The following MS4A6E variants were observed in gnomAD, a reference collection of about 807,000 sequenced individuals.
The protein encoded by MS4A6E is membrane-spanning 4-domains subfamily A member 6E.
In MS4A6E, 8 loss-of-function variants were observed where a neutral mutation model predicts 13.2. The observed-to-expected ratio is 0.60, with a 90% CI of 0.35 to 1.09. MS4A6E has a LOEUF of 1.09. Among genes scored for constraint, MS4A6E ranks in the 50% least tolerant of loss-of-function variants. MS4A6E has a pLI of 0.02. For missense variants in MS4A6E, 177 were observed against 171.1 expected (o/e 1.03, Z -0.19); for synonymous variants, 72 against 67.6 (o/e 1.06, Z -0.32).
chr11:60,338,572 T>G (rs1286891267), intron 3 of MS4A6E: 1 of 152,244 alleles, frequency 6.6e-6, no homozygotes, highest in African/African-American at 2.4e-5. Flanking sequence ...AGAGTGTAAC[T>G]GAGAATTATC....
chr11:60,342,635 C>T (rs1041178866), downstream of MS4A6E, among the ~76,000 whole-genome samples: 4 of 152,148 alleles, frequency 2.6e-5, no homozygotes, highest in African/African-American at 9.7e-5. Flanking sequence ...GGGTCTCCAC[C>T]TGGCCGGCAC....
intron 4 of MS4A6E, among the ~76,000 whole-genome samples, chr11:60,347,623 G>A (rs1045689742): frequency 6.6e-6 from 1 of 151,192 alleles, no homozygotes. Context: ...ATTCCTTTTG[G>A]TATGACACAG....
At position 60,334,983 on chromosome 11, in the gene MS4A6E, A is replaced by C. The variant is rs2085179202; in HGVS notation, c.88A>C (p.Thr30Pro). ...CTCCCAAGCAGAGAAACCCGAACCC[A>C]CCAACCAGGGGCAGGATAGCCTGAA... ...NFSQAEKPEP[T>P]NQGQDSLKKR... The change falls in exon 2 of 5, where the codon ACC (threonine) becomes CCC (proline). Residue 30 changes from threonine (T) to proline (P), a missense_variant. By Grantham distance (38) the Thr-to-Pro change is conservative (BLOSUM62 -1). Transcript: ENST00000684409. 1 of 1,614,168 alleles carries C rather than the reference A, an allele frequency of 6.2e-7. No individual in the cohort carries two copies. Among genetic ancestry groups the C allele is most frequent in the Non-Finnish European group, 8.5e-7 (1 of 1,180,032 alleles).
chr11:60,347,664 C>A (rs1032319216), intron 4 of MS4A6E, among the ~76,000 whole-genome samples: 2 of 151,956 alleles, frequency 1.3e-5, no homozygotes, highest in African/African-American at 2.4e-5. Context: ...GGGCATCCAC[C>A]CTACTGTTTT....
intron 4 of MS4A6E, among the ~76,000 whole-genome samples, chr11:60,348,168 T>C (rs1385618549): frequency 6.6e-6 from 1 of 151,970 alleles, no homozygotes; most frequent in African/African-American, 2.4e-5. Context: ...TGGTTAAAGG[T>C]AGAGTTTTTT....
chr11:60,328,526 TACACACACACACAC>T (rs35996897), intron 1 of MS4A6E, among the ~76,000 whole-genome samples: 12 of 145,724 alleles, frequency 8.2e-5, no homozygotes, highest in South Asian at 2.2e-4. Flanking sequence ...AACTGTGAGA[TACACACACACACAC>T]ACACACACAC....
At chr11:60,328,179 C>G (rs886954736) in intron 1 of MS4A6E, among the ~76,000 whole-genome samples, 2 of 151,876 alleles carry the variant, frequency 1.3e-5, no homozygotes, top group African/African-American at 2.4e-5. Context: ...AAATAAATAT[C>G]TAAGTGAAGT....
chr11:60,348,188 A>G (rs73477065), intron 4 of MS4A6E, among the ~76,000 whole-genome samples: 11,407 of 152,222 alleles, frequency 0.075, 511 homozygotes, highest in South Asian at 0.18. Context: ...TTCCATTCAC[A>G]GAAGGAGCAT....
chr11:60,338,323 T>G (rs1368532736), intron 3 of MS4A6E, among the ~76,000 whole-genome samples: 1 of 152,184 alleles, frequency 6.6e-6, no homozygotes, highest in Non-Finnish European at 1.5e-5. Flanking sequence ...CAGAAAATGC[T>G]GACAAGGAAA....
rs191943394 is a variant in MS4A6E, at chr11:60,328,222, G to A, written c.-15+814G>A. ...GAACTGACTGCTTATAATAAAATAC[G>A]GGAAGAGAGAAATGAATTAAAAGAT... is the stretch of plus-strand genomic sequence containing the variant. On this transcript the variant is annotated intron_variant, in intron 1 of 4. Coordinates refer to ENST00000684409, the MANE Select transcript of MS4A6E (RefSeq NM_139249.4). Among the ~76,000 whole-genome samples, 229 of 151,920 alleles carry A rather than the reference G, an allele frequency of 1.5e-3. 2 individuals carry two copies. Among genetic ancestry groups the A allele is most frequent in the Non-Finnish European group, 2.1e-3 (140 of 67,970 alleles).
At chr11:60,339,803 A>C (rs141406889) in intron 3 of MS4A6E, 63 bp from the exon 4 acceptor site, 35 of 1,442,120 alleles carry the variant, frequency 2.4e-5, no homozygotes, top group East Asian at 9.2e-5. Flanking sequence ...GGTCACCTCT[A>C]AACTAGGCAT....
In MS4A6E at chr11:60,341,262, T is replaced by A. The variant is rs1246385158; in HGVS notation, c.*496T>A. On this transcript the variant is annotated 3_prime_UTR_variant, in exon 5 of 5. Transcript: ENST00000684409. ...CCCATGTATTTTACTCATTAGTGCA[T>A]AAAGGCAAACCCCATAATGAAGTCT... 2.6e-5 allele frequency among the ~76,000 whole-genome samples: 4 copies of A among 152,228 alleles called. No individual in the cohort carries two copies. Among genetic ancestry groups the A allele is most frequent in the Non-Finnish European group, 4.4e-5 (3 of 68,042 alleles).
rs2085212851 is a variant in MS4A6E at position 60,339,885 on chromosome 11, T to C, written c.374T>C (p.Leu125Pro). 1 of 1,613,714 alleles carries C rather than the reference T, an allele frequency of 6.2e-7. No individual in the cohort carries two copies. Among genetic ancestry groups the C allele is most frequent in the African/African-American group, 1.3e-5 (1 of 74,924 alleles). ...ASLAGTLSLMLVSTVLEFCLA... is the reference protein window; with the variant it reads ...ASLAGTLSLMPVSTVLEFCLA... ...TTTCAGGGAACTCTGTCTCTGATGC[T>C]GGTTTCTACTGTGTTGGAGTTCTGC... Residue 125 changes from leucine to proline, a missense_variant, in exon 4 of 5, where the codon CTG (leucine) becomes CCG (proline). Physicochemically the swap from Leu to Pro is moderately conservative, Grantham distance 98. Transcript: ENST00000684409.
At chr11:60,345,047 G>C (rs1055385065), downstream of MS4A6E, among the ~76,000 whole-genome samples, 9 of 152,016 alleles carry the variant, frequency 5.9e-5, no homozygotes, top group African/African-American at 2.2e-4. Context: ...CCATTCTCCT[G>C]CCTCAGCCTC....
At chr11:60,341,844 C>G (rs931404311), downstream of MS4A6E, among the ~76,000 whole-genome samples, 1 of 152,082 alleles carries the variant, frequency 6.6e-6, no homozygotes, top group Non-Finnish European at 1.5e-5. Flanking sequence ...TCTCCCTGTC[C>G]TTTGCACCCC....
chr11:60,332,376 G>A (rs1330331176), intron 1 of MS4A6E, among the ~76,000 whole-genome samples: 2 of 152,214 alleles, frequency 1.3e-5, no homozygotes, highest in African/African-American at 4.8e-5. Flanking sequence ...TCCTAATTAT[G>A]TGTCAATGCT....
At chr11:60,332,310 A>G (rs1419159466) in intron 1 of MS4A6E, among the ~76,000 whole-genome samples, 1 of 152,228 alleles carries the variant, frequency 6.6e-6, no homozygotes, top group Non-Finnish European at 1.5e-5. Flanking sequence ...ATCAAGGTAT[A>G]AAAGTTTTGC....
chr11:60,330,297 T>A (rs2085146221), intron 1 of MS4A6E, among the ~76,000 whole-genome samples: 2 of 128,904 alleles, frequency 1.6e-5, no homozygotes, highest in Admixed American at 1.6e-4. Context: ...GTGTAGAAGC[T>A]CTTTTGTTTA....
At chr11:60,341,739 C>T (rs1342804622), downstream of MS4A6E, among the ~76,000 whole-genome samples, 5 of 152,194 alleles carry the variant, frequency 3.3e-5, no homozygotes, top group African/African-American at 1.2e-4. Flanking sequence ...TATCCTGATA[C>T]TCAGAGAGTT....
Sources: allele counts gnomAD v4.1 joint callset (sites outside exome capture counted in the v4.1 genomes callset), GRCh38; gene constraint gnomAD v4.1.1; transcripts MANE v1.5; gene names NCBI Gene and HGNC (gene_info 2026-07-23, HGNC 2026-07-21).